The following NCR3LG1 variants were observed in gnomAD, a reference collection of about 807,000 sequenced individuals.
NCR3LG1 encodes natural killer cell cytotoxicity receptor 3 ligand 1, also known as natural cytotoxicity triggering receptor 3 ligand 1.
Under a neutral mutation model 34.8 loss-of-function variants are expected in NCR3LG1, and 35 were observed. That is an observed-to-expected ratio of 1.01 (90% CI 0.77 to 1.33). NCR3LG1 has a LOEUF of 1.33. Ranked by LOEUF, NCR3LG1 falls within the 40% of genes most tolerant of loss-of-function variation. The probability of loss-of-function intolerance (pLI) is 0.00; values close to 1 mark genes in which losing one functional copy is unlikely to be tolerated. For missense variants in NCR3LG1, 452 were observed against 423.3 expected (o/e 1.07, Z -0.60); for synonymous variants, 173 against 163.6 (o/e 1.06, Z -0.44).
chr11:17,368,346 A>T (rs1379928965), intron 3 of NCR3LG1, among the ~76,000 whole-genome samples: 1 of 152,088 alleles, frequency 6.6e-6, no homozygotes, highest in Non-Finnish European at 1.5e-5. Context: ...GGGGCTGAGA[A>T]GAGTAAGGAA....
chr11:17,368,163 A>C (rs563457042), intron 3 of NCR3LG1, among the ~76,000 whole-genome samples: 2 of 152,222 alleles, frequency 1.3e-5, no homozygotes, highest in South Asian at 4.1e-4. Flanking sequence ...GGAGGGCTAC[A>C]GTAGAGTGGT....
Position 17,368,871 on chromosome 11 carries a change from T to C in NCR3LG1, c.765T>C (p.Thr255=). 1.3e-6 allele frequency: 2 copies of C among 1,529,496 alleles called. No homozygotes were observed. Among genetic ancestry groups the C allele is most frequent in the Non-Finnish European group, 1.8e-6 (2 of 1,140,888 alleles). 94.7% of individuals were successfully genotyped at this position (1,529,496 alleles called of 1,614,324 possible). ...GTTTTCCTTCTCTCTCTGCAGAAAC[T>C]GAGAAGACAGATAATTTTTCCATTC... ...LTAARHSLSE[T]EKTDNFSIHW... The change falls in exon 4 of 5, where the codon ACT becomes ACC. Residue 255 remains threonine, a synonymous_variant. Transcript: ENST00000338965.
At chr11:17,356,136 C>CTTTTTT (rs71457872) in intron 1 of NCR3LG1, among the ~76,000 whole-genome samples, 2 of 104,548 alleles carry the variant, frequency 1.9e-5, no homozygotes, top group Non-Finnish European at 1.8e-5. Context: ...TTCTTTCTTT[C>CTTTTTT]TTTTTTTTTT....
chr11:17,353,628 C>G (rs554725367), intron 1 of NCR3LG1, among the ~76,000 whole-genome samples: 1 of 152,342 alleles, frequency 6.6e-6, no homozygotes, highest in East Asian at 1.9e-4. Context: ...CCCGCGGATG[C>G]TGGTGGTGGT....
Position 17,356,739 on chromosome 11 carries a change from C to T in NCR3LG1, c.159C>T (p.Ser53=), listed in dbSNP as rs925581287. 2.7e-5 allele frequency: 41 copies of T among 1,536,290 alleles called. No individual in the cohort carries two copies. The highest frequency in any genetic ancestry group is 3.5e-5 in the Non-Finnish European group (40 of 1,146,972). ...NVTIFCNIFY[S]QPLNITSMGI... Reference sequence around the variant, plus strand: ...CCATATTCTGCAATATCTTTTATTCCCAACCCCTCAACATCACGTCTATGG... The same window carrying T: ...CCATATTCTGCAATATCTTTTATTCTCAACCCCTCAACATCACGTCTATGG... The change falls in exon 2 of 5, where the codon TCC becomes TCT. Residue 53 remains serine, a synonymous_variant. Coordinates refer to ENST00000338965, the MANE Select transcript of NCR3LG1 (RefSeq NM_001202439.3).
Position 17,351,877 on chromosome 11 carries a change from C to T in NCR3LG1, c.-93C>T, listed in dbSNP as rs1953137715. On this transcript the variant is annotated 5_prime_UTR_variant, in exon 1 of 5. Coordinates refer to ENST00000338965, the MANE Select transcript of NCR3LG1 (RefSeq NM_001202439.3). ...AATCCCGGCTGTGTCTCCGTCAACT[C>T]TTTACGCAACAGAGGTCTCCCCCTG... The T allele has an allele frequency of 2.0e-6, 2 of 1,007,578 alleles. No individual in the cohort carries two copies. The highest frequency in any genetic ancestry group is 1.5e-6 in the Non-Finnish European group (1 of 674,572). 62.4% of individuals were successfully genotyped at this position (1,007,578 alleles called of 1,614,324 possible). A position where few individuals can be genotyped will look rare whatever the true frequency, so the allele number is the denominator to read the frequency against.
chr11:17,366,874 G>C, intron 2 of NCR3LG1, 135 bp from the exon 3 acceptor site: 1 of 635,198 alleles, frequency 1.6e-6, no homozygotes, highest in Admixed American at 2.9e-5. Context: ...TAGGCATCCT[G>C]TGTTTTTTGT....
Position 17,369,089 on chromosome 11 carries a change from C to G in NCR3LG1, c.858+125C>G. 8.1e-6 allele frequency: 5 copies of G among 618,588 alleles called. 1 individual carries two copies. The South Asian group carries it at 1.1e-4, about 13-fold the overall frequency. 38.3% of individuals were successfully genotyped at this position (618,588 alleles called of 1,614,324 possible). On this transcript the variant is annotated intron_variant, in intron 4 of 4. Transcript: ENST00000338965. ...GCTGGAAAGGACTTTGTCAGTCCCT[C>G]TTCACCATCAGGTGTTGGGAATGTT...
chr11:17,356,136 CTTTTTTTT>C (rs71457872), intron 1 of NCR3LG1, among the ~76,000 whole-genome samples: 1 of 104,562 alleles, frequency 9.6e-6, no homozygotes, highest in Non-Finnish European at 1.8e-5. Flanking sequence ...TTCTTTCTTT[CTTTTTTTT>C]TTTTTTTTTT....
intron 1 of NCR3LG1, among the ~76,000 whole-genome samples, chr11:17,353,071 T>TG (rs1254715969): frequency 1.9e-4 from 29 of 152,206 alleles, no homozygotes; most frequent in Admixed American, 9.2e-4. Context: ...GACCTCACCG[T>TG]GGAGACCTTG....
chr11:17,372,523 G>T lies in NCR3LG1; in HGVS notation c.*11G>T, dbSNP rs937254088. The T allele has an allele frequency of 2.9e-6, 2 of 682,580 alleles. No homozygotes were observed. Among genetic ancestry groups the T allele is most frequent in the Middle Eastern group, 2.4e-4 (1 of 4,240 alleles). The allele number at this position is 682,580 out of a possible 1,614,324, so 42.3% of individuals were successfully genotyped here. The stretch of plus-strand genomic sequence containing the variant: ...TTACCCCTACAGTAAATGCCTGATG[G>T]ACCTGGTGCCACTAGGGTCCAAGTT... On this transcript the variant is annotated 3_prime_UTR_variant, in exon 5 of 5. Transcript: ENST00000338965.
chr11:17,371,036 G>A (rs1280587547), intron 4 of NCR3LG1, among the ~76,000 whole-genome samples: 1 of 152,148 alleles, frequency 6.6e-6, no homozygotes, highest in Admixed American at 6.5e-5. Flanking sequence ...GACATTCATG[G>A]CACTCTATAG....
At chr11:17,361,786 A>G (rs1201047478) in intron 2 of NCR3LG1, among the ~76,000 whole-genome samples, 1 of 152,030 alleles carries the variant, frequency 6.6e-6, no homozygotes, top group Non-Finnish European at 1.5e-5. Flanking sequence ...GTCTGTTAAA[A>G]ATACAGTTTT....
chr11:17,377,662 G>T (rs1435270188), downstream of NCR3LG1, among the ~76,000 whole-genome samples: 2 of 152,228 alleles, frequency 1.3e-5, no homozygotes, highest in African/African-American at 4.8e-5. Context: ...AGATCTGCCT[G>T]TGTCTCTCAC....
intron 4 of NCR3LG1, among the ~76,000 whole-genome samples, chr11:17,370,686 T>G (rs768262444): frequency 6.6e-6 from 1 of 152,170 alleles, no homozygotes; most frequent in Non-Finnish European, 1.5e-5. Context: ...AACTGAAGGT[T>G]TCTGTTTGAG....
chr11:17,357,559 G>A lies in NCR3LG1; in HGVS notation c.421+558G>A, dbSNP rs546136346. Among the ~76,000 whole-genome samples, 5 of 152,168 alleles carry A rather than the reference G, an allele frequency of 3.3e-5. No homozygotes were observed. The South Asian group carries it at 1.0e-3, about 32-fold the overall frequency. ...ACATAAGACTTTGAATGTTTTGTCC[G>A]TAGTAATTTTGGGAGTGAGAGGCAT... On this transcript the variant is annotated intron_variant, in intron 2 of 4. Coordinates refer to ENST00000338965, the MANE Select transcript of NCR3LG1 (RefSeq NM_001202439.3).
chr11:17,369,763 G>A (rs1953387142), intron 4 of NCR3LG1, among the ~76,000 whole-genome samples: 1 of 152,194 alleles, frequency 6.6e-6, no homozygotes, highest in Non-Finnish European at 1.5e-5. Flanking sequence ...ATAAAAAGTG[G>A]TTTTCAAATG....
In NCR3LG1 at chr11:17,361,436, C is replaced by T. The variant is rs181760017; in HGVS notation, c.421+4435C>T. Among the ~76,000 whole-genome samples the T allele has an allele frequency of 1.4e-3, 211 of 152,050 alleles. 1 individual carries two copies. The highest frequency in any genetic ancestry group is 3.7e-3 in the Admixed American group (56 of 15,274). On this transcript the variant is annotated intron_variant, in intron 2 of 4. Transcript: ENST00000338965. ...CCGAGTAGCTGGGATTACGGGCATG[C>T]GCCACCACGCCTGGCTAATTTTTGT...
At chr11:17,369,061 C>A in intron 4 of NCR3LG1, 97 bp downstream of exon 4, 1 of 716,426 alleles carries the variant, frequency 1.4e-6, no homozygotes, top group Admixed American at 3.0e-5. Context: ...AAGGGACAGG[C>A]CTGCTGGAAA....
Sources: allele counts gnomAD v4.1 joint callset (sites outside exome capture counted in the v4.1 genomes callset), GRCh38; gene constraint gnomAD v4.1.1; transcripts MANE v1.5; gene names NCBI Gene and HGNC (gene_info 2026-07-23, HGNC 2026-07-21).